Variants in LAMC2 observed in about 807,000 individuals in gnomAD.
LAMC2 encodes laminin subunit gamma 2.
In LAMC2, 97 loss-of-function variants were observed where a neutral mutation model predicts 140.2. The ratio of observed to expected loss-of-function variants is 0.69; its 90% CI spans 0.59 to 0.82. The LOEUF (loss-of-function observed/expected upper bound fraction) is 0.82, where lower values mean the gene tolerates loss of function less well. Among genes scored for constraint, LAMC2 ranks in the 40% least tolerant of loss-of-function variants. LAMC2 has a pLI of 0.00. For missense variants in LAMC2, 1,402 were observed against 1,476.1 expected, an observed-to-expected ratio of 0.95 and a Z score of 0.82; for synonymous variants, 513 against 540.2, an observed-to-expected ratio of 0.95 and a Z score of 0.70.
chr1:183,199,097 C>CTTTTTTTTTTTTTT (rs906113983), intron 1 of LAMC2, among the ~76,000 whole-genome samples: 2 of 67,626 alleles, frequency 3.0e-5, no homozygotes, highest in East Asian at 5.7e-4. Flanking sequence ...GTTGGCTTTT[C>CTTTTTTTTTTTTTT]TTTTTTTTTT....
intron 7 of LAMC2, 61 bp downstream of exon 7, chr1:183,223,385 T>C: frequency 1.4e-6 from 2 of 1,478,368 alleles, no homozygotes; most frequent in East Asian, 2.3e-5. Flanking sequence ...TTCAAGTTTG[T>C]TCTTTATTCA....
At chr1:183,199,084 C>G (rs1450922879) in intron 1 of LAMC2, among the ~76,000 whole-genome samples, 1 of 121,684 alleles carries the variant, frequency 8.2e-6, no homozygotes, top group Non-Finnish European at 1.7e-5. Flanking sequence ...TGTTCAGGTT[C>G]TTGTTGGCTT....
chr1:183,205,038 G>C (rs1658842156), intron 1 of LAMC2, among the ~76,000 whole-genome samples: 4 of 152,144 alleles, frequency 2.6e-5, no homozygotes, highest in Admixed American at 2.0e-4. Context: ...GGCCAGGCTG[G>C]TCTCAAACTC....
intron 11 of LAMC2, 51 bp from the exon 12 acceptor site, chr1:183,230,910 C>T: frequency 6.2e-7 from 1 of 1,609,058 alleles, no homozygotes; most frequent in Non-Finnish European, 8.5e-7. Context: ...GCTCTACCTC[C>T]ACTTTCTAGA....
At chr1:183,237,924 G>A (rs1214017351) in intron 18 of LAMC2, among the ~76,000 whole-genome samples, 2 of 152,136 alleles carry the variant, frequency 1.3e-5, no homozygotes, top group Admixed American at 6.5e-5. Flanking sequence ...TATGGAAGAA[G>A]TAACAGTTGC....
chr1:183,238,356 A>C lies in LAMC2; in HGVS notation c.2804A>C (p.Gln935Pro). Residue 935 changes from glutamine to proline, a missense_variant, in exon 19 of 23, where the codon CAA (glutamine) becomes CCA (proline). By Grantham distance (76) the Gln-to-Pro change is moderately conservative. This residue lies in a region of LAMC2 where 670 missense variants were observed against 667.2 expected (regional missense o/e 1.00). Coordinates refer to ENST00000264144, the MANE Select transcript of LAMC2 (RefSeq NM_005562.3). ...GCCAATCTTGCTAAAAGCAGAGCAC[A>C]AGAAGCACTGAGTATGGGCAATGCC... Reference protein sequence around the residue: ...SRANLAKSRAQEALSMGNATF... With the variant: ...SRANLAKSRAPEALSMGNATF... 1.2e-6 allele frequency: 2 copies of C among 1,614,142 alleles called. No homozygotes were observed. The highest frequency in any genetic ancestry group is 1.7e-6 in the Non-Finnish European group (2 of 1,179,986).
chr1:183,212,491 A>G (rs1199054367), intron 2 of LAMC2, among the ~76,000 whole-genome samples: 1 of 151,756 alleles, frequency 6.6e-6, no homozygotes, highest in Non-Finnish European at 1.5e-5. Context: ...TCCATTGCTC[A>G]TTGTTTGATT....
chr1:183,215,676 C>T (rs1659231708), intron 3 of LAMC2, 88 bp downstream of exon 3: 2 of 1,503,044 alleles, frequency 1.3e-6, no homozygotes, highest in African/African-American at 2.7e-5. Context: ...TACTGAGCCC[C>T]TACCCTGTGC....
chr1:183,243,576 A>G lies in LAMC2; in HGVS notation c.*176A>G, dbSNP rs1571544908. ...GGCCAGGTGGTTGTCTTATTGCACC[A>G]TACTCCTTGCTTCCTGATGCTGGGC... is the stretch of plus-strand genomic sequence containing the variant. On this transcript the variant is annotated 3_prime_UTR_variant, in exon 23 of 23. Coordinates refer to ENST00000264144, the MANE Select transcript of LAMC2 (RefSeq NM_005562.3). 6 of 721,550 alleles carry G rather than the reference A, an allele frequency of 8.3e-6. No homozygotes were observed. In the Admixed American group the frequency reaches 1.1e-4, roughly 13 times the overall value. 44.7% of individuals were successfully genotyped at this position (721,550 alleles called of 1,614,324 possible).
At chr1:183,249,213 G>A (rs1439251463), downstream of LAMC2, 1 of 152,152 alleles carries the variant, frequency 6.6e-6, no homozygotes, top group Non-Finnish European at 1.5e-5. Flanking sequence ...GTACATTCAA[G>A]GAAAATGAAA....
intron 14 of LAMC2, 56 bp from the exon 15 acceptor site, chr1:183,234,311 T>C (rs1659886298): frequency 2.2e-6 from 3 of 1,386,868 alleles, no homozygotes; most frequent in African/African-American, 2.8e-5. Context: ...TTAAGTTCCA[T>C]GGCCAAGTGC....
chr1:183,199,651 C>T (rs961236628), intron 1 of LAMC2, among the ~76,000 whole-genome samples: 1 of 152,140 alleles, frequency 6.6e-6, no homozygotes, highest in Admixed American at 6.5e-5. Context: ...AGTGATGACA[C>T]AGGATAGAAC....
chr1:183,253,009 G>T, the LAMC2 span, among the ~76,000 whole-genome samples: 1 of 152,128 alleles, frequency 6.6e-6, no homozygotes, highest in East Asian at 1.9e-4. Flanking sequence ...CCTGTAAAAT[G>T]AGGGTAATAT....
intron 1 of LAMC2, among the ~76,000 whole-genome samples, chr1:183,192,586 T>C (rs1658377180): frequency 1.3e-5 from 2 of 152,204 alleles, no homozygotes; most frequent in South Asian, 4.1e-4. Flanking sequence ...GGCTCCAGCA[T>C]GTTTCATCCT....
intron 1 of LAMC2, among the ~76,000 whole-genome samples, chr1:183,198,351 G>A (rs1251266068): frequency 6.6e-6 from 1 of 151,864 alleles, no homozygotes; most frequent in Non-Finnish European, 1.5e-5. Context: ...CACCATGTTG[G>A]CCATGATGGT....
At chr1:183,202,484 A>G (rs972466921) in intron 1 of LAMC2, among the ~76,000 whole-genome samples, 2 of 152,248 alleles carry the variant, frequency 1.3e-5, no homozygotes, top group Admixed American at 1.3e-4. Context: ...ATCAGGAAAG[A>G]GTAAAAGAAA....
At chr1:183,207,290 T>C (rs1658914971) in intron 1 of LAMC2, among the ~76,000 whole-genome samples, 1 of 152,132 alleles carries the variant, frequency 6.6e-6, no homozygotes, top group Non-Finnish European at 1.5e-5. Context: ...CTTTGGAACA[T>C]CTGCAGGATG....
chr1:183,247,905 A>G (rs931481700), downstream of LAMC2, among the ~76,000 whole-genome samples: 1 of 152,274 alleles, frequency 6.6e-6, no homozygotes, highest in Non-Finnish European at 1.5e-5. Context: ...TTTCACAAAT[A>G]TAATTTTATT....
chr1:183,249,563 G>A (rs1170225985), downstream of LAMC2: 1 of 152,040 alleles, frequency 6.6e-6, no homozygotes, highest in Admixed American at 6.6e-5. Context: ...TGGCACCTGG[G>A]GCACCACTTC....
Sources: gnomAD v4.1 joint callset for allele counts (sites outside exome capture counted in the v4.1 genomes callset) on GRCh38, gnomAD v4.1.1 for gene constraint, gnomAD v4.1.1 regional missense constraint, MANE v1.5 for transcripts, NCBI Gene and HGNC (gene_info 2026-07-23, HGNC 2026-07-21) for gene names.